Variants in MAP1LC3B2 observed in about 807,000 individuals in gnomAD.
MAP1LC3B2 encodes the protein microtubule associated protein 1 light chain 3 beta 2.
For missense variants in MAP1LC3B2, 155 were observed against 154.6 expected, an observed-to-expected ratio of 1.00 and a Z score of -0.01; for synonymous variants, 62 against 57.8, an observed-to-expected ratio of 1.07 and a Z score of -0.33.
intron 1 of MAP1LC3B2, among the ~76,000 whole-genome samples, chr12:116,566,650 G>C (rs1869394497): frequency 7.1e-6 from 1 of 140,744 alleles, no homozygotes; most frequent in Non-Finnish European, 1.5e-5. Flanking sequence ...CAAGAATTGA[G>C]GCCAGGTGTG....
chr12:116,576,264 T>C lies in MAP1LC3B2; in HGVS notation c.322T>C (p.Phe108Leu). Residue 108 changes from phenylalanine (F) to leucine (L), a missense_variant, in exon 2 of 2, where the codon TTC becomes CTC. Coordinates refer to ENST00000556529, the MANE Select transcript of MAP1LC3B2 (RefSeq NM_001085481.3). ...VYESEKDEDG[F>L]LYMVCASQET... ...TGAGAGTGAGAAAGATGAAGATGGA[T>C]TCCTGTACATGGTCTGTGCCTCCCA... 1 of 1,614,150 alleles carries C rather than the reference T, an allele frequency of 6.2e-7. No homozygotes were observed. The highest frequency in any genetic ancestry group is 8.5e-7 in the Non-Finnish European group (1 of 1,180,024).
intron 1 of MAP1LC3B2, among the ~76,000 whole-genome samples, chr12:116,566,880 A>C (rs1869399286): frequency 7.7e-6 from 1 of 129,422 alleles, no homozygotes; most frequent in South Asian, 2.7e-4. Context: ...GCAGAGAGCC[A>C]AGATCGTGCC....
At chr12:116,568,156 C>G (rs1360754545) in intron 1 of MAP1LC3B2, among the ~76,000 whole-genome samples, 1 of 152,212 alleles carries the variant, frequency 6.6e-6, no homozygotes, top group African/African-American at 2.4e-5. Context: ...GCAATTGTCT[C>G]TGATCCTTTC....
At chr12:116,569,870 A>G (rs1025595381) in intron 1 of MAP1LC3B2, among the ~76,000 whole-genome samples, 13 of 152,216 alleles carry the variant, frequency 8.5e-5, no homozygotes, top group Non-Finnish European at 1.5e-4. Context: ...CCTGGCCAAC[A>G]TGGTGAAAAC....
At chr12:116,574,166 A>C (rs1869611256) in intron 1 of MAP1LC3B2, among the ~76,000 whole-genome samples, 1 of 152,104 alleles carries the variant, frequency 6.6e-6, no homozygotes, top group Non-Finnish European at 1.5e-5. Context: ...ATTTCTGAGA[A>C]TATATCCACC....
rs1253419571 is a variant in MAP1LC3B2, at chr12:116,575,904, C to T, written c.-39C>T. 1.2e-6 allele frequency: 2 copies of T among 1,613,002 alleles called. No homozygotes were observed. The highest frequency in any genetic ancestry group is 1.7e-5 in the Admixed American group (1 of 59,972). The stretch of plus-strand genomic sequence containing the variant: ...CCGCCACCCCCAGGAGCCGCCGGGA[C>T]CCTCGCGTCGTCGCCGCCGCGGCCC... On this transcript the variant is annotated 5_prime_UTR_variant, in exon 2 of 2. Coordinates refer to ENST00000556529, the MANE Select transcript of MAP1LC3B2 (RefSeq NM_001085481.3).
intron 1 of MAP1LC3B2, among the ~76,000 whole-genome samples, chr12:116,560,246 GTA>G (rs1869236167): frequency 2.4e-5 from 2 of 81,824 alleles, no homozygotes; most frequent in African/African-American, 4.4e-5. Context: ...ATATATGTAT[GTA>G]TATGTATATA....
chr12:116,575,919 C>T lies in MAP1LC3B2; in HGVS notation c.-24C>T, dbSNP rs762259331. 3 of 1,613,878 alleles carry T rather than the reference C, an allele frequency of 1.9e-6. No individual in the cohort carries two copies. Among genetic ancestry groups the T allele is most frequent in the Admixed American group, 1.7e-5 (1 of 60,014 alleles). Reference sequence around the variant, plus strand: ...GCCGCCGGGACCCTCGCGTCGTCGCCGCCGCGGCCCAGATCCCCACACCAT... The same window carrying T: ...GCCGCCGGGACCCTCGCGTCGTCGCTGCCGCGGCCCAGATCCCCACACCAT... On this transcript the variant is annotated 5_prime_UTR_variant, in exon 2 of 2. Coordinates refer to ENST00000556529, the MANE Select transcript of MAP1LC3B2 (RefSeq NM_001085481.3).
intron 1 of MAP1LC3B2, among the ~76,000 whole-genome samples, chr12:116,565,314 A>G (rs549014603): frequency 6.6e-6 from 1 of 152,340 alleles, no homozygotes; most frequent in Non-Finnish European, 1.5e-5. Flanking sequence ...AGGCCTCACA[A>G]TCATGGTGGA....
intron 1 of MAP1LC3B2, among the ~76,000 whole-genome samples, chr12:116,566,876 A>C (rs1869399176): frequency 7.6e-6 from 1 of 132,068 alleles, no homozygotes; most frequent in South Asian, 2.7e-4. Flanking sequence ...GGTTGCAGAG[A>C]GCCAAGATCG....
chr12:116,572,902 C>T (rs1433125641), intron 1 of MAP1LC3B2, among the ~76,000 whole-genome samples: 1 of 152,132 alleles, frequency 6.6e-6, no homozygotes, highest in Non-Finnish European at 1.5e-5. Flanking sequence ...GGGCCCTCAG[C>T]CTCAATTCAA....
In MAP1LC3B2 at chr12:116,576,035, C is replaced by A; in HGVS notation, c.93C>A (p.Ile31=). Reference sequence around the variant, plus strand: ...TTCGAGAGCAGCATCCAACCAAAATCCCGGTGATAATAGAACGATACAAGG... The same window carrying A: ...TTCGAGAGCAGCATCCAACCAAAATACCGGTGATAATAGAACGATACAAGG... The part of the protein sequence containing the change: ...RLIREQHPTK[I]PVIIERYKGE... Residue 31 remains isoleucine (I), a synonymous_variant, in exon 2 of 2, where the codon ATC becomes ATA. Transcript: ENST00000556529. The A allele has an allele frequency of 6.2e-7, 1 of 1,614,192 alleles. No homozygotes were observed. Among genetic ancestry groups the A allele is most frequent in the African/African-American group, 1.3e-5 (1 of 75,046 alleles).
intron 1 of MAP1LC3B2, among the ~76,000 whole-genome samples, chr12:116,568,437 T>C (rs1869446412): frequency 6.6e-6 from 1 of 152,240 alleles, no homozygotes; most frequent in Non-Finnish European, 1.5e-5. Flanking sequence ...TTTCAGTTTT[T>C]AGCTTAAAAC....
chr12:116,569,636 A>G (rs1869478691), intron 1 of MAP1LC3B2, among the ~76,000 whole-genome samples: 1 of 152,174 alleles, frequency 6.6e-6, no homozygotes. Context: ...TTTTATCATG[A>G]TGTCCCACTA....
intron 1 of MAP1LC3B2, among the ~76,000 whole-genome samples, chr12:116,569,511 A>G (rs1024461212): frequency 2.0e-5 from 3 of 152,220 alleles, no homozygotes; most frequent in Non-Finnish European, 4.4e-5. Flanking sequence ...AAATCCTTCA[A>G]GGACAAGGAC....
chr12:116,561,508 G>A (rs1328736249), intron 1 of MAP1LC3B2, among the ~76,000 whole-genome samples: 1 of 152,172 alleles, frequency 6.6e-6, no homozygotes, highest in Admixed American at 6.5e-5. Flanking sequence ...TTGTTTGCGT[G>A]GACACCGAGT....
Position 116,576,374 on chromosome 12 carries a change from A to G in MAP1LC3B2, c.*54A>G, listed in dbSNP as rs980421594. 1.4e-4 allele frequency: 224 copies of G among 1,568,818 alleles called. No individual in the cohort carries two copies. The African/African-American group carries it at 2.6e-3, about 18-fold the overall frequency. On this transcript the variant is annotated 3_prime_UTR_variant, in exon 2 of 2. Coordinates refer to ENST00000556529, the MANE Select transcript of MAP1LC3B2 (RefSeq NM_001085481.3). ...TTTTTTAAACCCTTACCAAGGAAAA[A>G]AAAAGGGATGTTACCAACTGAGATC...
chr12:116,560,490 G>T (rs1279669016), intron 1 of MAP1LC3B2, among the ~76,000 whole-genome samples: 2 of 151,768 alleles, frequency 1.3e-5, no homozygotes, highest in African/African-American at 2.4e-5. Flanking sequence ...CAAGTGATCC[G>T]CCCACCTCGG....
At chr12:116,560,821 T>TA (rs61487254) in intron 1 of MAP1LC3B2, among the ~76,000 whole-genome samples, 101,037 of 144,336 alleles carry the variant, frequency 0.7, 35,232 homozygotes, top group East Asian at 0.81. Context: ...ACAAATAGTT[T>TA]AAAAAAAAAA....
Sources: gnomAD v4.1 joint callset for allele counts (sites outside exome capture counted in the v4.1 genomes callset) on GRCh38, gnomAD v4.1.1 for gene constraint, MANE v1.5 for transcripts, NCBI Gene and HGNC (gene_info 2026-07-23, HGNC 2026-07-21) for gene names.